Variants in USH2A observed in about 807,000 individuals in gnomAD.
USH2A encodes Usher syndrome 2A (autosomal recessive, mild).
A neutral mutation model predicts 538.9 loss-of-function variants in USH2A; 443 were observed. That is an observed-to-expected ratio of 0.82 (90% CI 0.76 to 0.89). USH2A has a LOEUF of 0.89. USH2A is among the 40% of genes least tolerant of loss of function. USH2A has a pLI of 0.00. For missense variants in USH2A, 6,633 were observed against 6,324.8 expected, an observed-to-expected ratio of 1.05 and a Z score of -1.65; for synonymous variants, 2,413 against 2,273.5, an observed-to-expected ratio of 1.06 and a Z score of -1.75.
At chr1:215,839,036 T>A (rs911101680) in intron 46 of USH2A, among the ~76,000 whole-genome samples, 1 of 152,172 alleles carries the variant, frequency 6.6e-6, no homozygotes, top group South Asian at 2.1e-4. Flanking sequence ...TTACTAGATA[T>A]GCTATTTTAT....
At chr1:216,357,590 C>A (rs556184173) in intron 4 of USH2A, among the ~76,000 whole-genome samples, 1 of 152,138 alleles carries the variant, frequency 6.6e-6, no homozygotes, top group African/African-American at 2.4e-5. Flanking sequence ...TTCTTCCCTG[C>A]ATATTCACTT....
intron 62 of USH2A, among the ~76,000 whole-genome samples, chr1:215,678,629 T>C (rs566433985): frequency 5.6e-4 from 85 of 152,250 alleles, no homozygotes; most frequent in African/African-American, 2.0e-3. Flanking sequence ...CTCTCAGTAA[T>C]TCCCTTGCTT....
intron 32 of USH2A, among the ~76,000 whole-genome samples, chr1:216,008,548 A>G (rs1034296270): frequency 1.3e-5 from 2 of 152,144 alleles, no homozygotes; most frequent in Non-Finnish European, 2.9e-5. Flanking sequence ...ACATGGACGC[A>G]CATGAAATTT....
At chr1:216,242,064 C>T (rs1241417841) in intron 13 of USH2A, among the ~76,000 whole-genome samples, 1 of 152,104 alleles carries the variant, frequency 6.6e-6, no homozygotes, top group Middle Eastern at 3.4e-3. Context: ...CAAGGATTAC[C>T]TTATTCAACT....
intron 37 of USH2A, among the ~76,000 whole-genome samples, chr1:215,953,560 A>G (rs572376840): frequency 4.5e-4 from 68 of 152,228 alleles, no homozygotes; most frequent in Middle Eastern, 6.8e-3. Context: ...ACAAAAATCA[A>G]TTCAAGATGG....
At chr1:215,775,345 T>G (rs904271792) in intron 55 of USH2A, among the ~76,000 whole-genome samples, 12 of 152,214 alleles carry the variant, frequency 7.9e-5, no homozygotes, top group African/African-American at 2.9e-4. Flanking sequence ...ACAATTTTGT[T>G]GCCAGATCTG....
Position 216,247,142 on chromosome 1 carries a change from A to G in USH2A, c.2252T>C (p.Leu751Pro). The change falls in exon 13 of 72, where the codon CTC becomes CCC. Residue 751 changes from leucine (L) to proline (P), a missense_variant. Transcript: ENST00000307340. ...GCAGAATTTGTTCACTGAGCCATGG[A>G]GGTTACACTGGCAGGGCTCACATCC... ...DVGCEPCQCNLHGSVNKFCNP... is the reference protein window; with the variant it reads ...DVGCEPCQCNPHGSVNKFCNP... The G allele has an allele frequency of 3.7e-6, 6 of 1,614,046 alleles. No homozygotes were observed. Among genetic ancestry groups the G allele is most frequent in the Non-Finnish European group, 5.1e-6 (6 of 1,179,938 alleles).
chr1:216,042,830 C>T (rs1327572658), intron 32 of USH2A, among the ~76,000 whole-genome samples: 1 of 151,956 alleles, frequency 6.6e-6, no homozygotes, highest in Non-Finnish European at 1.5e-5. Flanking sequence ...AGAGTGGGAA[C>T]CTCATCCAAT....
chr1:216,011,882 A>C (rs1409408740), intron 32 of USH2A, among the ~76,000 whole-genome samples: 3 of 149,312 alleles, frequency 2.0e-5, no homozygotes, highest in African/African-American at 7.5e-5. Flanking sequence ...CACACCTGAC[A>C]CCCAAGACTG....
Position 215,647,750 on chromosome 1 carries a change from G to C in USH2A, c.14583-20C>G, listed in dbSNP as rs377566293. ...TCATAGCTAAAATGAGAATGGATAC[G>C]TAGAGTCAAGACGGGTAATGGAATT... On this transcript the variant is annotated intron_variant, in intron 66 of 71. Transcript: ENST00000307340. 6.2e-7 allele frequency: 1 copy of C among 1,612,492 alleles called. No individual in the cohort carries two copies. The highest frequency in any genetic ancestry group is 8.5e-7 in the Non-Finnish European group (1 of 1,178,630).
At chr1:216,375,485 C>T (rs1377061809) in intron 3 of USH2A, among the ~76,000 whole-genome samples, 1 of 152,114 alleles carries the variant, frequency 6.6e-6, no homozygotes, top group African/African-American at 2.4e-5. Flanking sequence ...TCTTTTGTAG[C>T]TTGCTCACTT....
At position 216,306,661 on chromosome 1, in the gene USH2A, T is replaced by C. The variant is rs2037322305; in HGVS notation, c.1645-14291A>G. On this transcript the variant is annotated intron_variant, in intron 9 of 71. Transcript: ENST00000307340. ...CTATGTCAGAGGGAAGATCTGGGGC[T>C]CAAGTGCTGTTGTTCAGATTCTTTC... Among the ~76,000 whole-genome samples, 4 of 152,336 alleles carry C rather than the reference T, an allele frequency of 2.6e-5. No homozygotes were observed. In the South Asian group the frequency reaches 8.3e-4, roughly 32 times the overall value.
At chr1:216,170,009 A>G (rs986703543) in intron 21 of USH2A, among the ~76,000 whole-genome samples, 7 of 152,080 alleles carry the variant, frequency 4.6e-5, no homozygotes, top group African/African-American at 1.7e-4. Context: ...AAGGAAAACA[A>G]ATAGTGGGAC....
chr1:216,241,666 C>T (rs2035940916), intron 13 of USH2A, among the ~76,000 whole-genome samples: 1 of 152,104 alleles, frequency 6.6e-6, no homozygotes, highest in South Asian at 2.1e-4. Context: ...TCCCAAGTAG[C>T]TGGGATTACA....
At chr1:216,126,942 T>G (rs1390752014) in intron 21 of USH2A, among the ~76,000 whole-genome samples, 3 of 152,250 alleles carry the variant, frequency 2.0e-5, no homozygotes, top group Admixed American at 2.0e-4. Flanking sequence ...AATGTATGTT[T>G]GATAAAGATG....
rs2039017028 is a variant in USH2A, at chr1:216,386,834, G to A, written c.652-21749C>T. On this transcript the variant is annotated intron_variant, in intron 3 of 71. Transcript: ENST00000307340. The stretch of plus-strand genomic sequence containing the variant: ...CACGCCACTGCAATCCAGCCTGGGC[G>A]ACAGAGTGAGACTCCGTCTCAATGA... Among the ~76,000 whole-genome samples the A allele has an allele frequency of 3.3e-5, 5 of 152,160 alleles. No individual in the cohort carries two copies. The South Asian group carries it at 8.3e-4, about 25-fold the overall frequency.
chr1:215,986,342 T>G (rs1667874753), intron 35 of USH2A, among the ~76,000 whole-genome samples: 2 of 150,670 alleles, frequency 1.3e-5, no homozygotes, highest in South Asian at 4.3e-4. Context: ...AGACAGGGTT[T>G]CATCATGTTT....
rs941996105 is a variant in USH2A, at chr1:216,327,669, A to G, written c.785-15T>C. On this transcript the variant is annotated splice_polypyrimidine_tract_variant and intron_variant, in intron 4 of 71. Coordinates refer to ENST00000307340, the MANE Select transcript of USH2A (RefSeq NM_206933.4). Reference sequence around the variant, plus strand: ...CTGCTCTAAACCTGCAAATACACACATGTGCATAATATAAGAAGTCTCTGT... The same window carrying G: ...CTGCTCTAAACCTGCAAATACACACGTGTGCATAATATAAGAAGTCTCTGT... The G allele has an allele frequency of 1.2e-6, 2 of 1,611,174 alleles. No individual in the cohort carries two copies. The highest frequency in any genetic ancestry group is 1.1e-5 in the South Asian group (1 of 90,932).
intron 13 of USH2A, among the ~76,000 whole-genome samples, chr1:216,236,040 C>A (rs1416685164): frequency 6.6e-6 from 1 of 151,992 alleles, no homozygotes; most frequent in Admixed American, 6.6e-5. Flanking sequence ...TAATTTTCCT[C>A]CATTTGGTAG....
Sources: allele counts gnomAD v4.1 joint callset (sites outside exome capture counted in the v4.1 genomes callset), GRCh38; gene constraint gnomAD v4.1.1; transcripts MANE v1.5; gene names NCBI Gene and HGNC (gene_info 2026-07-23, HGNC 2026-07-21).